Variants in EHBP1 observed in about 807,000 individuals in gnomAD.
EHBP1 encodes EH domain-binding protein 1.
A neutral mutation model predicts 144.0 loss-of-function variants in EHBP1; 55 were observed. The observed-to-expected ratio is 0.38, with a 90% CI of 0.31 to 0.48. The LOEUF (loss-of-function observed/expected upper bound fraction) is 0.48, where lower values mean the gene tolerates loss of function less well. Among genes scored for constraint, EHBP1 ranks in the 20% least tolerant of loss-of-function variants. EHBP1 has a pLI of 0.98. For missense variants in EHBP1, 1,200 were observed against 1,364.2 expected (o/e 0.88, Z 1.90); for synonymous variants, 469 against 472.7 (o/e 0.99, Z 0.10).
At chr2:62,744,701 C>T (rs765208276) in intron 2 of EHBP1, among the ~76,000 whole-genome samples, 1 of 152,064 alleles carries the variant, frequency 6.6e-6, no homozygotes, top group Non-Finnish European at 1.5e-5. Context: ...AGGAGACCGC[C>T]CTTCTTGCTT....
chr2:62,739,373 T>A (rs2038464804), intron 2 of EHBP1, among the ~76,000 whole-genome samples: 1 of 151,692 alleles, frequency 6.6e-6, no homozygotes. Flanking sequence ...TGAGGAATGG[T>A]CAGATTGATA....
At chr2:62,956,841 A>C (rs776923362) in intron 14 of EHBP1, among the ~76,000 whole-genome samples, 5 of 152,214 alleles carry the variant, frequency 3.3e-5, no homozygotes, top group Non-Finnish European at 7.3e-5. Context: ...CTTTCAGCTA[A>C]TAAGACCTCT....
At chr2:62,882,484 T>C (rs2051531438) in intron 10 of EHBP1, among the ~76,000 whole-genome samples, 1 of 152,224 alleles carries the variant, frequency 6.6e-6, no homozygotes, top group African/African-American at 2.4e-5. Flanking sequence ...AACCTATCAC[T>C]TGTTTCTCTG....
intron 10 of EHBP1, among the ~76,000 whole-genome samples, chr2:62,940,493 A>G (rs1330323687): frequency 6.6e-6 from 1 of 152,172 alleles, no homozygotes; most frequent in Non-Finnish European, 1.5e-5. Context: ...TGAGATGCAA[A>G]CAAGTCAAGT....
chr2:62,768,084 A>G (rs751993644), intron 4 of EHBP1, among the ~76,000 whole-genome samples: 11 of 152,156 alleles, frequency 7.2e-5, no homozygotes, highest in Non-Finnish European at 1.5e-4. Flanking sequence ...AAAATCTCAA[A>G]TTAACAACCT....
At chr2:62,950,786 A>G (rs190250542) in intron 13 of EHBP1, among the ~76,000 whole-genome samples, 1 of 152,222 alleles carries the variant, frequency 6.6e-6, no homozygotes, top group Non-Finnish European at 1.5e-5. Context: ...CCCAGGTTCA[A>G]GCAATTCTTC....
chr2:62,782,001 G>A (rs1028931464), intron 5 of EHBP1, among the ~76,000 whole-genome samples: 6 of 152,176 alleles, frequency 3.9e-5, no homozygotes, highest in Non-Finnish European at 7.4e-5. Flanking sequence ...TTTACTCAGT[G>A]AGATTAAGTG....
intron 10 of EHBP1, among the ~76,000 whole-genome samples, chr2:62,886,023 CTG>C (rs754290368): frequency 5.9e-5 from 9 of 152,208 alleles, no homozygotes; most frequent in Non-Finnish European, 1.2e-4. Flanking sequence ...ACTACAGAAA[CTG>C]TGGAAAGCTC....
chr2:63,030,735 C>G (rs2061208580), intron 19 of EHBP1, among the ~76,000 whole-genome samples: 1 of 151,132 alleles, frequency 6.6e-6, no homozygotes. Flanking sequence ...TAATGATCTG[C>G]CTGCCTCGGC....
intron 7 of EHBP1, 96 bp downstream of exon 7, chr2:62,831,254 G>T: frequency 1.6e-6 from 2 of 1,257,570 alleles, no homozygotes; most frequent in Non-Finnish European, 1.1e-6. Context: ...CTACTTATTG[G>T]GTTTCTTTTT....
At chr2:62,956,702 A>C (rs2057717586) in intron 14 of EHBP1, among the ~76,000 whole-genome samples, 1 of 151,922 alleles carries the variant, frequency 6.6e-6, no homozygotes, top group South Asian at 2.1e-4. Flanking sequence ...AAAAAAAAAA[A>C]AAAAAACCAC....
chr2:62,732,062 T>C (rs1222355972), intron 2 of EHBP1, among the ~76,000 whole-genome samples: 1 of 152,166 alleles, frequency 6.6e-6, no homozygotes, highest in Non-Finnish European at 1.5e-5. Flanking sequence ...CCCCACACTT[T>C]TGTGAGTTTT....
At chr2:62,692,321 A>T (rs1322330307) in intron 1 of EHBP1, among the ~76,000 whole-genome samples, 2 of 152,220 alleles carry the variant, frequency 1.3e-5, no homozygotes, top group Admixed American at 6.5e-5. Context: ...ATTATTATGA[A>T]TAAAGCCACT....
At chr2:62,990,641 G>T in intron 15 of EHBP1, 75 bp from the exon 16 acceptor site, 1 of 1,442,834 alleles carries the variant, frequency 6.9e-7, no homozygotes, top group Non-Finnish European at 9.6e-7. Flanking sequence ...ACTTTTCTGA[G>T]CTCACATAAA....
intron 10 of EHBP1, among the ~76,000 whole-genome samples, chr2:62,876,298 A>C (rs554339919): frequency 6.6e-6 from 1 of 152,356 alleles, no homozygotes; most frequent in East Asian, 1.9e-4. Context: ...AAACCCTACA[A>C]GCCAGAAGAG....
intron 10 of EHBP1, among the ~76,000 whole-genome samples, chr2:62,880,519 T>C (rs1487443226): frequency 6.6e-6 from 1 of 151,972 alleles, no homozygotes; most frequent in Non-Finnish European, 1.5e-5. Context: ...AGGTCTAATA[T>C]CCAAAATCCA....
intron 5 of EHBP1, among the ~76,000 whole-genome samples, chr2:62,793,024 T>C (rs963145023): frequency 1.2e-4 from 19 of 152,112 alleles, no homozygotes; most frequent in African/African-American, 4.3e-4. Flanking sequence ...GAAAATTATC[T>C]ATAATTCCAT....
intron 9 of EHBP1, among the ~76,000 whole-genome samples, chr2:62,873,281 G>C (rs888479582): frequency 6.6e-6 from 1 of 152,050 alleles, no homozygotes; most frequent in African/African-American, 2.4e-5. Context: ...ATGTTTAAAT[G>C]ATTAGTAACT....
intron 10 of EHBP1, among the ~76,000 whole-genome samples, chr2:62,920,075 T>G (rs1234082827): frequency 6.6e-6 from 1 of 152,130 alleles, no homozygotes; most frequent in Non-Finnish European, 1.5e-5. Context: ...TTTGAAGAGA[T>G]AATGGCTAAA....
Sources: allele counts gnomAD v4.1 joint callset (sites outside exome capture counted in the v4.1 genomes callset), GRCh38; gene constraint gnomAD v4.1.1; transcripts MANE v1.5; gene names NCBI Gene and HGNC (gene_info 2026-07-23, HGNC 2026-07-21).